The following NHSL1 variants were observed in gnomAD, a reference collection of about 807,000 sequenced individuals.
The protein encoded by NHSL1 is NHS-like protein 1.
NHSL1 carries 48 observed loss-of-function variants against 95.0 expected under a neutral mutation model. That is an observed-to-expected ratio of 0.51 (90% CI 0.40 to 0.64). The LOEUF is 0.64. Ranked by LOEUF, NHSL1 falls within the 30% of genes least tolerant of loss-of-function variation. The pLI is 0.00. For synonymous variants in NHSL1, 783 were observed against 833.9 expected, an observed-to-expected ratio of 0.94 and a Z score of 1.05; for missense variants, 1,971 against 2,077.7, an observed-to-expected ratio of 0.95 and a Z score of 1.00.
upstream of NHSL1, among the ~76,000 whole-genome samples, chr6:138,499,837 G>A (rs1780578011): frequency 6.6e-6 from 1 of 152,092 alleles, no homozygotes; most frequent in East Asian, 1.9e-4. Context: ...CTGATTTAGG[G>A]GGGAAAAAAA....
At chr6:138,426,169 T>C (rs1775248634) in intron 7 of NHSL1, among the ~76,000 whole-genome samples, 1 of 152,230 alleles carries the variant, frequency 6.6e-6, no homozygotes, top group Non-Finnish European at 1.5e-5. Flanking sequence ...ACACAGTTAA[T>C]AGAATAAAGA....
intron 1 of NHSL1, among the ~76,000 whole-genome samples, chr6:138,556,884 G>C (rs993903333): frequency 1.3e-5 from 2 of 152,030 alleles, no homozygotes; most frequent in African/African-American, 4.8e-5. Context: ...GAAATCTGGG[G>C]GATGCAATTT....
chr6:138,463,559 T>A (rs1379407877), intron 3 of NHSL1, among the ~76,000 whole-genome samples: 2 of 151,646 alleles, frequency 1.3e-5, no homozygotes, highest in Non-Finnish European at 2.9e-5. Flanking sequence ...AGTTCTGGGA[T>A]ACATGAGCTG....
chr6:138,651,517 CTAACCCTAA>C (rs2114709828), intron 1 of NHSL1, among the ~76,000 whole-genome samples: 1 of 152,314 alleles, frequency 6.6e-6, no homozygotes, highest in Admixed American at 6.5e-5. Flanking sequence ...CAGAAATCAC[CTAACCCTAA>C]CCTTGTCTCC....
intron 3 of NHSL1, among the ~76,000 whole-genome samples, chr6:138,468,362 C>T (rs910648787): frequency 3.9e-5 from 6 of 152,124 alleles, no homozygotes; most frequent in South Asian, 2.1e-4. Flanking sequence ...GGCTATATAC[C>T]GGGGGTCCCC....
At chr6:138,615,948 G>C (rs868066075) in intron 1 of NHSL1, among the ~76,000 whole-genome samples, 1 of 152,234 alleles carries the variant, frequency 6.6e-6, no homozygotes, top group Non-Finnish European at 1.5e-5. Context: ...CCAGCATTTA[G>C]GGAGTCCAAG....
chr6:138,470,269 C>T (rs900166785), intron 3 of NHSL1, among the ~76,000 whole-genome samples: 3 of 152,006 alleles, frequency 2.0e-5, no homozygotes, highest in Non-Finnish European at 4.4e-5. Context: ...TACTTTTACC[C>T]GAGAACAAGA....
At chr6:138,622,876 C>T (rs74637816) in intron 1 of NHSL1, among the ~76,000 whole-genome samples, 2,140 of 152,286 alleles carry the variant, frequency 0.014, 51 homozygotes, top group African/African-American at 0.049. Flanking sequence ...ACAGCACACA[C>T]TAAGCATTCC....
At chr6:138,457,243 T>C (rs1219045492) in intron 3 of NHSL1, among the ~76,000 whole-genome samples, 1 of 152,228 alleles carries the variant, frequency 6.6e-6, no homozygotes, top group Non-Finnish European at 1.5e-5. Flanking sequence ...CATGTTTATG[T>C]TTAGATGATA....
At chr6:138,600,565 C>CA (rs1302689945) in intron 1 of NHSL1, among the ~76,000 whole-genome samples, 8 of 152,198 alleles carry the variant, frequency 5.3e-5, no homozygotes, top group East Asian at 1.9e-4. Context: ...GAACATTGCT[C>CA]AAAAAAATCA....
chr6:138,652,943 T>C (rs1785111629), intron 1 of NHSL1, among the ~76,000 whole-genome samples: 2 of 152,216 alleles, frequency 1.3e-5, no homozygotes, highest in South Asian at 4.1e-4. Flanking sequence ...TGAGGTTAGC[T>C]AAATAGTCTA....
chr6:138,446,832 T>C (rs1776893260), intron 4 of NHSL1, 169 bp downstream of exon 4: 1 of 642,020 alleles, frequency 1.6e-6, no homozygotes, highest in South Asian at 2.1e-5. Context: ...AGACATTTTA[T>C]ATGCACACAC....
At chr6:138,662,996 C>A (rs1177612514) in intron 1 of NHSL1, among the ~76,000 whole-genome samples, 4 of 142,374 alleles carry the variant, frequency 2.8e-5, no homozygotes, top group Non-Finnish European at 4.5e-5. Context: ...TTTAACAATC[C>A]ATTTTCAGGA....
At chr6:138,643,469 T>C (rs1448203283) in intron 1 of NHSL1, among the ~76,000 whole-genome samples, 1 of 152,220 alleles carries the variant, frequency 6.6e-6, no homozygotes, top group Non-Finnish European at 1.5e-5. Context: ...TACATAATAA[T>C]GTGTATCCAC....
At chr6:138,634,497 G>T (rs1784862986) in intron 1 of NHSL1, among the ~76,000 whole-genome samples, 1 of 152,098 alleles carries the variant, frequency 6.6e-6, no homozygotes, top group Admixed American at 6.5e-5. Flanking sequence ...TGTCAATTCA[G>T]CAAGAGGATA....
chr6:138,646,896 C>T (rs1785027576), intron 1 of NHSL1, among the ~76,000 whole-genome samples: 1 of 152,098 alleles, frequency 6.6e-6, no homozygotes, highest in Admixed American at 6.5e-5. Context: ...TGTTTGAGCC[C>T]ATTAAGAATT....
chr6:138,468,523 C>A (rs905078921), intron 3 of NHSL1, among the ~76,000 whole-genome samples: 9 of 152,168 alleles, frequency 5.9e-5, no homozygotes, highest in African/African-American at 1.9e-4. Flanking sequence ...GGAGCGCAAA[C>A]CCTATTGTGA....
upstream of NHSL1, among the ~76,000 whole-genome samples, chr6:138,502,219 T>C (rs1291197198): frequency 2.0e-5 from 3 of 152,246 alleles, no homozygotes; most frequent in Non-Finnish European, 4.4e-5. Context: ...CGTTCTATAT[T>C]AAGTTGTATT....
At chr6:138,620,452 C>A (rs1784640710) in intron 1 of NHSL1, among the ~76,000 whole-genome samples, 1 of 152,054 alleles carries the variant, frequency 6.6e-6, no homozygotes, top group Non-Finnish European at 1.5e-5. Flanking sequence ...AAGGACAGAA[C>A]TTCACAAGGG....
Sources: allele counts gnomAD v4.1 joint callset (sites outside exome capture counted in the v4.1 genomes callset), GRCh38; gene constraint gnomAD v4.1.1; transcripts MANE v1.5; gene names NCBI Gene and HGNC (gene_info 2026-07-23, HGNC 2026-07-21).